The following PRKDC variants were observed in gnomAD, a reference collection of about 807,000 sequenced individuals.
PRKDC encodes DNA-dependent protein kinase catalytic subunit.
In PRKDC, 82 loss-of-function variants were observed where a neutral mutation model predicts 486.9. The ratio of observed to expected loss-of-function variants is 0.17; its 90% confidence interval spans 0.14 to 0.20. PRKDC has a LOEUF of 0.20. Ranked by LOEUF, PRKDC falls within the 10% of genes least tolerant of loss-of-function variation. The pLI is 1.00. For synonymous variants in PRKDC, 1,895 were observed against 1,837.0 expected (o/e 1.03, Z -0.81); for missense variants, 4,504 against 5,038.2 (o/e 0.89, Z 3.21).
Position 47,953,068 on chromosome 8 carries a change from G to A in PRKDC, c.721+552C>T, listed in dbSNP as rs560143016. 1.5e-3 allele frequency among the ~76,000 whole-genome samples: 224 copies of A among 152,218 alleles called. 1 individual carries two copies. Among genetic ancestry groups the A allele is most frequent in the Admixed American group, 3.9e-3 (60 of 15,296 alleles). On this transcript the variant is annotated intron_variant, in intron 7 of 85. Transcript: ENST00000314191. ...AGGCAGGAGAATCACTTGAACCAGG[G>A]AGGCAGAGGCTGCAGTGACCTGAGA...
chr8:47,938,359 C>T (rs2090388600), intron 11 of PRKDC, among the ~76,000 whole-genome samples: 1 of 148,584 alleles, frequency 6.7e-6, no homozygotes, highest in Non-Finnish European at 1.5e-5. Flanking sequence ...TGTGGTGAGC[C>T]GAGGTCATGC....
rs201857679 is a variant in PRKDC at position 47,855,256 on chromosome 8, C to T, written c.6727G>A (p.Glu2243Lys). The change falls in exon 50 of 86, where the codon GAG becomes AAG. Residue 2243 changes from glutamate to lysine, a missense_variant. Coordinates refer to ENST00000314191, the MANE Select transcript of PRKDC (RefSeq NM_006904.7). The part of the protein sequence containing the change: ...HNLEIIKTLV[E>K]CWKDCLSIPY... ...ATGGATAAACAATCCTTCCAGCACT[C>T]GACAAGGGTCTTTATAATTTCAAGG... is the stretch of plus-strand genomic sequence containing the variant. The T allele has an allele frequency of 2.1e-5, 33 of 1,604,552 alleles. No homozygotes were observed. The highest frequency in any genetic ancestry group is 2.8e-5 in the Non-Finnish European group (33 of 1,175,146).
intron 21 of PRKDC, 165 bp downstream of exon 21, chr8:47,927,029 C>T: frequency 1.4e-6 from 1 of 710,508 alleles, no homozygotes; most frequent in East Asian, 2.9e-5. Flanking sequence ...TTCTTTATCA[C>T]AATTAGAGTC....
chr8:47,789,234 T>C lies in PRKDC; in HGVS notation c.10675A>G (p.Lys3559Glu), dbSNP rs2086843890. 1.3e-6 allele frequency: 2 copies of C among 1,557,710 alleles called. No homozygotes were observed. The highest frequency in any genetic ancestry group is 1.7e-6 in the Non-Finnish European group (2 of 1,157,886). The change falls in exon 75 of 86, where the codon AAA (lysine) becomes GAA (glutamate). Residue 3559 changes from lysine to glutamate, a missense_variant. Around this residue, in one of 6 missense-constraint regions of PRKDC, gnomAD observed 706 missense variants for 945.0 expected, o/e 0.75. Transcript: ENST00000314191. ...HKNKEFVARI[K>E]SKLDQGGVIQ... ...ACTCCTCCTTGATCCAACTTACTTT[T>C]AATCCTATTTAAAAAAATTTACAAA...
In PRKDC at chr8:47,881,881, A is replaced by G. The variant is rs765891502; in HGVS notation, c.4962+31T>C. On this transcript the variant is annotated intron_variant, in intron 37 of 85. Coordinates refer to ENST00000314191, the MANE Select transcript of PRKDC (RefSeq NM_006904.7). The stretch of plus-strand genomic sequence containing the variant: ...ACAAGTTACAGAGTTCAGAAGAATA[A>G]ACATGACTGCTTTTTAAAGGAATTG... 28 of 1,561,382 alleles carry G rather than the reference A, an allele frequency of 1.8e-5. 1 individual carries two copies. In the Admixed American group the frequency reaches 2.2e-4, roughly 12 times the overall value.
At position 47,912,559 on chromosome 8, in the gene PRKDC, C is replaced by T; in HGVS notation, c.2785G>A (p.Ala929Thr). ...ATGCTATGTAAAAGTTCACAGGCTG[C>T]AACCTAAAACAGACCAGGAGGTCAG... is the stretch of plus-strand genomic sequence containing the variant. Reference protein sequence around the residue: ...LTASDRQTKVAACELLHSMVM... With the variant: ...LTASDRQTKVTACELLHSMVM... Residue 929 changes from alanine (A) to threonine (T), a missense_variant, in exon 25 of 86, where the codon GCA becomes ACA. Coordinates refer to ENST00000314191, the MANE Select transcript of PRKDC (RefSeq NM_006904.7). 6.3e-7 allele frequency: 1 copy of T among 1,596,806 alleles called. No individual in the cohort carries two copies. The highest frequency in any genetic ancestry group is 8.5e-7 in the Non-Finnish European group (1 of 1,170,382).
chr8:47,822,716 G>C (rs780659046), intron 64 of PRKDC, among the ~76,000 whole-genome samples: 5 of 152,104 alleles, frequency 3.3e-5, no homozygotes, highest in Non-Finnish European at 7.4e-5. Context: ...CGTGAACCCG[G>C]AAGGCAGAGC....
intron 38 of PRKDC, among the ~76,000 whole-genome samples, 189 bp downstream of exon 38, chr8:47,881,227 G>A (rs1462924624): frequency 1.3e-5 from 2 of 152,086 alleles, no homozygotes; most frequent in African/African-American, 2.4e-5. Context: ...GACCGCACAG[G>A]TGAAACAAAC....
chr8:47,782,437 G>A lies in PRKDC; in HGVS notation c.11337C>T (p.Ser3779=), dbSNP rs55789637. The A allele has an allele frequency of 8.5e-4, 1,362 of 1,598,134 alleles. 7 individuals are homozygous for A. The Middle Eastern group carries it at 8.6e-3, about 10-fold the overall frequency. ...GCTGCAGGGCCCTCTGGCTGCAGGC[G>A]GAGTCTTGGGCCAGGATCCCATTCA... ...QVMNGILAQD[S]ACSQRALQLR... Residue 3779 remains serine, a synonymous_variant, in exon 79 of 86, where the codon TCC becomes TCT. Coordinates refer to ENST00000314191, the MANE Select transcript of PRKDC (RefSeq NM_006904.7). This position sits in a 1 kb window ranked among gnomAD's most constrained non-coding sequence, Gnocchi z 4.9.
chr8:47,917,859 A>AT (rs921255163), intron 22 of PRKDC, among the ~76,000 whole-genome samples: 1 of 152,130 alleles, frequency 6.6e-6, no homozygotes, highest in African/African-American at 2.4e-5. Context: ...AAATATATTA[A>AT]TTTTTTTTGT....
chr8:47,803,509 GT>G (rs1340640238), intron 69 of PRKDC, 29 bp from the exon 70 acceptor site: 3 of 1,607,772 alleles, frequency 1.9e-6, no homozygotes, highest in East Asian at 2.2e-5. Flanking sequence ...AAGAGAGAAG[GT>G]GGTATGATGA....
At chr8:47,932,267 T>C (rs1387913902) in intron 16 of PRKDC, among the ~76,000 whole-genome samples, 2 of 152,188 alleles carry the variant, frequency 1.3e-5, no homozygotes, top group African/African-American at 4.8e-5. Flanking sequence ...GTATTTTTAG[T>C]AGAGACGAGG....
intron 7 of PRKDC, among the ~76,000 whole-genome samples, chr8:47,950,613 A>G (rs556765935): frequency 6.8e-6 from 1 of 147,968 alleles, no homozygotes; most frequent in African/African-American, 2.5e-5. Context: ...TGGGCGACAG[A>G]GCAAGACTCC....
At chr8:47,862,954 T>C (rs1589750680) in intron 42 of PRKDC, among the ~76,000 whole-genome samples, 1 of 152,248 alleles carries the variant, frequency 6.6e-6, no homozygotes, top group African/African-American at 2.4e-5. Flanking sequence ...CAATATTTAC[T>C]AGGAGGAGAA....
At position 47,782,570 on chromosome 8, in the gene PRKDC, G is replaced by T; in HGVS notation, c.11204C>A (p.Pro3735His). 1 of 1,566,540 alleles carries T rather than the reference G, an allele frequency of 6.4e-7. No homozygotes were observed. ...RVTVMASLRR[P>H]KRIIIRGHDE... ...ATGGCCACGGATGATGATGCGCTTGGGCCTTCGCAGAGACGCCATGACTGT... is the reference window on the plus strand; with the variant it reads ...ATGGCCACGGATGATGATGCGCTTGTGCCTTCGCAGAGACGCCATGACTGT... The change falls in exon 79 of 86, where the codon CCC becomes CAC. Residue 3735 changes from proline (P) to histidine (H), a missense_variant. Physicochemically the swap from Pro to His is moderately conservative, Grantham distance 77. Around this residue, in one of 6 missense-constraint regions of PRKDC, gnomAD observed 706 missense variants for 945.0 expected, o/e 0.75. Coordinates refer to ENST00000314191, the MANE Select transcript of PRKDC (RefSeq NM_006904.7). The surrounding 1 kb of genome is among the most constrained non-coding windows in gnomAD (Gnocchi z 4.9).
chr8:47,789,790 T>C (rs1246531507), intron 74 of PRKDC, among the ~76,000 whole-genome samples: 1 of 152,084 alleles, frequency 6.6e-6, no homozygotes, highest in Non-Finnish European at 1.5e-5. Flanking sequence ...ATCAATCATA[T>C]CTACACAACA....
At chr8:47,825,557 T>C (rs1261854362) in intron 63 of PRKDC, among the ~76,000 whole-genome samples, 2 of 148,364 alleles carry the variant, frequency 1.3e-5, no homozygotes, top group Non-Finnish European at 3.0e-5. Context: ...CACAATGCTC[T>C]GCAAGGAATG....
intron 68 of PRKDC, among the ~76,000 whole-genome samples, chr8:47,815,190 C>T (rs759715603): frequency 2.0e-5 from 3 of 152,114 alleles, no homozygotes; most frequent in South Asian, 2.1e-4. Flanking sequence ...GACTTCAAAA[C>T]GTACTATAAA....
At chr8:47,927,416 A>C in intron 20 of PRKDC, 63 bp from the exon 21 acceptor site, 1 of 1,504,990 alleles carries the variant, frequency 6.6e-7, no homozygotes, top group South Asian at 1.2e-5. Context: ...GAGGAAAAAA[A>C]CACCAAGTAA....
Sources: gnomAD v4.1 joint callset for allele counts (sites outside exome capture counted in the v4.1 genomes callset) on GRCh38, gnomAD v4.1.1 for gene constraint, gnomAD v4.1.1 regional missense constraint, Gnocchi (gnomAD v3.1) non-coding constraint, MANE v1.5 for transcripts, NCBI Gene and HGNC (gene_info 2026-07-23, HGNC 2026-07-21) for gene names.